The following B4GALNT2 variants were observed in gnomAD, a reference collection of about 807,000 sequenced individuals.
The protein encoded by B4GALNT2 is N-acetylneuraminylgalactosylglucosyl-glucoside beta-1,4-N- acetylgalactosaminyltransferase 2.
Under a neutral mutation model 51.1 loss-of-function variants are expected in B4GALNT2, and 42 were observed. That is an observed-to-expected ratio of 0.82 (90% CI 0.64 to 1.06). The LOEUF (loss-of-function observed/expected upper bound fraction) is 1.06. B4GALNT2 is among the 50% of genes least tolerant of loss of function. The pLI, the probability that B4GALNT2 is intolerant of heterozygous loss-of-function variation, is 0.00. For missense variants in B4GALNT2, 602 were observed against 633.6 expected, an observed-to-expected ratio of 0.95 and a Z score of 0.54; for synonymous variants, 253 against 251.7, an observed-to-expected ratio of 1.01 and a Z score of -0.05.
chr17:49,165,602 TTC>T (rs1489745160), intron 8 of B4GALNT2, among the ~76,000 whole-genome samples: 1 of 94,290 alleles, frequency 1.1e-5, no homozygotes, highest in African/African-American at 4.1e-5. Flanking sequence ...CACTCTCTCT[TTC>T]TCTCTCCCTC....
chr17:49,146,641 GACT>G (rs2042697806), intron 3 of B4GALNT2, among the ~76,000 whole-genome samples: 1 of 152,122 alleles, frequency 6.6e-6, no homozygotes, highest in Admixed American at 6.6e-5. Context: ...TTCCATTGCT[GACT>G]ACTCCATAGG....
chr17:49,122,785 T>G, the B4GALNT2 span, among the ~76,000 whole-genome samples: 25 of 152,342 alleles, frequency 1.6e-4, no homozygotes, highest in African/African-American at 6.0e-4. Context: ...AGGATAATAA[T>G]TAAGCAAAAT....
At chr17:49,151,610 G>T (rs950810599) in intron 3 of B4GALNT2, among the ~76,000 whole-genome samples, 1 of 152,030 alleles carries the variant, frequency 6.6e-6, no homozygotes, top group Non-Finnish European at 1.5e-5. Context: ...GCCGGGCATG[G>T]TGGTGTGTGC....
At chr17:49,148,392 G>A (rs1188434416) in intron 3 of B4GALNT2, 1 of 340,414 alleles carries the variant, frequency 2.9e-6, no homozygotes, top group Non-Finnish European at 5.8e-6. Flanking sequence ...ACTGGAATTT[G>A]GTTGTTGACA....
chr17:49,161,908 TA>T (rs1282572576), intron 7 of B4GALNT2, among the ~76,000 whole-genome samples: 1 of 151,352 alleles, frequency 6.6e-6, no homozygotes, highest in African/African-American at 2.4e-5. Context: ...TCTTAGGGTA[TA>T]AGGCATGACA....
At chr17:49,148,409 C>T (rs1174685200) in intron 3 of B4GALNT2, 1 of 311,540 alleles carries the variant, frequency 3.2e-6, no homozygotes, top group East Asian at 1.1e-4. Context: ...GACACAGCCT[C>T]AGCCTCGGCA....
chr17:49,148,863 C>T (rs2042722778), intron 3 of B4GALNT2: 3 of 222,094 alleles, frequency 1.4e-5, no homozygotes, highest in Middle Eastern at 1.6e-3. Flanking sequence ...CAAGACCATC[C>T]TGGCCAACAT....
chr17:49,169,587 C>T lies in B4GALNT2; in HGVS notation c.1380C>T (p.His460=), dbSNP rs1002653154. The T allele has an allele frequency of 6.2e-7, 1 of 1,613,098 alleles. No individual in the cohort carries two copies. ...CATGCCCAGAAGTGATTATAGGTCA[C>T]CAGTCTCGGTCTCCAGTGGTGGACT... ...VGSCPEVIIG[H]QSRSPVVDSE... The change falls in exon 11 of 11, where the codon CAC becomes CAT. Residue 460 remains histidine (H), a synonymous_variant. Coordinates refer to ENST00000393354, the MANE Select transcript of B4GALNT2 (RefSeq NM_001159387.2).
In B4GALNT2 at chr17:49,172,048, A is replaced by G; in HGVS notation, c.*2320A>G. 1 of 275,610 alleles carries G rather than the reference A, an allele frequency of 3.6e-6. No individual in the cohort carries two copies. The highest frequency in any genetic ancestry group is 7.3e-5 in the East Asian group (1 of 13,614). 17.1% of individuals were successfully genotyped at this position (275,610 alleles called of 1,614,324 possible). A position where few individuals can be genotyped will look rare whatever the true frequency, so the allele number is the denominator to read the frequency against. On this transcript the variant is annotated 3_prime_UTR_variant, in exon 11 of 11. Coordinates refer to ENST00000393354, the MANE Select transcript of B4GALNT2 (RefSeq NM_001159387.2). Reference sequence around the variant, plus strand: ...TCCTTGTTGAAGGAATACTCATGGCAATGGTGATCACCACTATCATATCTA... The same window carrying G: ...TCCTTGTTGAAGGAATACTCATGGCGATGGTGATCACCACTATCATATCTA...
In B4GALNT2 at chr17:49,171,593, GC is replaced by G; in HGVS notation, c.*1867del. The G allele has an allele frequency of 2.4e-6, 1 of 412,024 alleles. No homozygotes were observed. The highest frequency in any genetic ancestry group is 4.7e-6 in the Non-Finnish European group (1 of 212,992). 25.5% of individuals were successfully genotyped at this position (412,024 alleles called of 1,614,324 possible). A position where few individuals can be genotyped will look rare whatever the true frequency, so the allele number is the denominator to read the frequency against. On this transcript the variant is annotated 3_prime_UTR_variant, in exon 11 of 11. Coordinates refer to ENST00000393354, the MANE Select transcript of B4GALNT2 (RefSeq NM_001159387.2). ...TTTGAGGTTGAGGTGCCACTATACC[GC>G]CACGTTTCCAGATAATGGGAACTCT...
rs368318516 is a variant in B4GALNT2, at chr17:49,169,595, G to A, written c.1388G>A (p.Arg463Gln). The change falls in exon 11 of 11, where the codon CGG becomes CAG. Residue 463 changes from arginine (R) to glutamine (Q), a missense_variant. Arg to Gln is a conservative substitution (Grantham distance 43). Coordinates refer to ENST00000393354, the MANE Select transcript of B4GALNT2 (RefSeq NM_001159387.2). ...GAAGTGATTATAGGTCACCAGTCTC[G>A]GTCTCCAGTGGTGGACTCAGAACTG... The part of the protein sequence containing the change: ...CPEVIIGHQS[R>Q]SPVVDSELAA... 37 of 1,613,012 alleles carry A rather than the reference G, an allele frequency of 2.3e-5. No homozygotes were observed. The highest frequency in any genetic ancestry group is 3.3e-5 in the Admixed American group (2 of 60,002).
chr17:49,150,968 G>A (rs894776616), intron 3 of B4GALNT2, among the ~76,000 whole-genome samples: 1 of 151,840 alleles, frequency 6.6e-6, no homozygotes, highest in Non-Finnish European at 1.5e-5. Flanking sequence ...TCATATTACC[G>A]TAAGTATTCA....
At chr17:49,125,171 A>T in the B4GALNT2 span, among the ~76,000 whole-genome samples, 1 of 151,818 alleles carries the variant, frequency 6.6e-6, no homozygotes, top group Admixed American at 6.6e-5. Context: ...TTATTTATTT[A>T]TTTTTGAGAT....
In B4GALNT2 at chr17:49,133,150, G is replaced by A. The variant is rs372599300; in HGVS notation, c.14+344G>A. The A allele has an allele frequency of 5.9e-5, 91 of 1,531,554 alleles. No individual in the cohort carries two copies. The highest frequency in any genetic ancestry group is 7.5e-5 in the Non-Finnish European group (86 of 1,147,834). The allele number at this position is 1,531,554 out of a possible 1,614,324, so 94.9% of individuals were successfully genotyped here. On this transcript the variant is annotated intron_variant, in intron 1 of 10. Transcript: ENST00000393354. Reference sequence around the variant, plus strand: ...GGGAGTGCGGGCTTCGGGGCTCTCTGCTTGGAACTCAGAGGCGCTGACCCA... The same window carrying A: ...GGGAGTGCGGGCTTCGGGGCTCTCTACTTGGAACTCAGAGGCGCTGACCCA...
intron 1 of B4GALNT2, among the ~76,000 whole-genome samples, chr17:49,138,277 A>C (rs1027252673): frequency 2.0e-5 from 3 of 152,214 alleles, no homozygotes; most frequent in Admixed American, 6.5e-5. Flanking sequence ...AATGCTAAAA[A>C]CCAAGAATCT....
intron 1 of B4GALNT2, among the ~76,000 whole-genome samples, chr17:49,139,214 A>G (rs1026304971): frequency 5.3e-5 from 8 of 151,946 alleles, no homozygotes; most frequent in African/African-American, 1.9e-4. Context: ...CACTTCCATG[A>G]CAATGTTAGA....
chr17:49,127,203 G>A, the B4GALNT2 span, among the ~76,000 whole-genome samples: 2 of 152,066 alleles, frequency 1.3e-5, no homozygotes, highest in Non-Finnish European at 2.9e-5. Flanking sequence ...TTCAAGATTA[G>A]AAGTTAGGTA....
chr17:49,166,081 G>C lies in B4GALNT2; in HGVS notation c.955-33G>C, dbSNP rs754264999. On this transcript the variant is annotated intron_variant, in intron 8 of 10. Coordinates refer to ENST00000393354, the MANE Select transcript of B4GALNT2 (RefSeq NM_001159387.2). ...CAGGTGATTCTAATATGTAATATGG[G>C]CAACCACTCCTTTAACCTCATTTCA... 3.7e-6 allele frequency: 6 copies of C among 1,604,766 alleles called. No individual in the cohort carries two copies. The South Asian group carries it at 5.6e-5, about 15-fold the overall frequency.
At chr17:49,133,148 C>T in intron 1 of B4GALNT2, 1 of 1,527,670 alleles carries the variant, frequency 6.5e-7, no homozygotes, top group East Asian at 2.7e-5. Context: ...TCGGGGCTCT[C>T]TGCTTGGAAC....
Sources: allele counts gnomAD v4.1 joint callset (sites outside exome capture counted in the v4.1 genomes callset), GRCh38; gene constraint gnomAD v4.1.1; transcripts MANE v1.5; gene names NCBI Gene and HGNC (gene_info 2026-07-23, HGNC 2026-07-21).